ABCC3: variants seen among roughly 807,000 people sequenced by gnomAD.
ABCC3 encodes the protein ATP binding cassette subfamily C member 3.
ABCC3 carries 121 observed loss-of-function variants against 165.3 expected under a neutral mutation model. The observed-to-expected ratio is 0.73, with a 90% CI of 0.63 to 0.85. The LOEUF (loss-of-function observed/expected upper bound fraction) is 0.85, where lower values mean the gene tolerates loss of function less well. Ranked by LOEUF, ABCC3 falls within the 40% of genes least tolerant of loss-of-function variation. ABCC3 has a pLI of 0.00. For missense variants in ABCC3, 1,869 were observed against 1,964.1 expected, an observed-to-expected ratio of 0.95 and a Z score of 0.92; for synonymous variants, 733 against 810.1, an observed-to-expected ratio of 0.90 and a Z score of 1.62.
At position 50,674,013 on chromosome 17, in the gene ABCC3, TC is replaced by T. The variant is rs1967739057; in HGVS notation, c.2599+356del. On this transcript the variant is annotated intron_variant, in intron 19 of 30. Coordinates refer to ENST00000285238, the MANE Select transcript of ABCC3 (RefSeq NM_003786.4). ...CTCTCTCTCTCTCTCTCTCTCTCTC[TC>T]TCTCTCTCTCTCTCTCTCTCTCTTT... 7.4e-5 allele frequency among the ~76,000 whole-genome samples: 2 copies of T among 26,872 alleles called. 1 individual carries two copies. Among genetic ancestry groups the T allele is most frequent in the African/African-American group, 5.5e-4 (2 of 3,632 alleles). The allele number at this position is 26,872 out of a possible 152,430, so 17.6% of individuals were successfully genotyped here.
intron 21 of ABCC3, 25 bp downstream of exon 21, chr17:50,675,800 T>C: frequency 6.3e-7 from 1 of 1,585,054 alleles, no homozygotes; most frequent in African/African-American, 1.3e-5. Flanking sequence ...CAAGAGGGGC[T>C]GGAGGGGATG....
rs550549968 is a variant in ABCC3 at position 50,654,309 on chromosome 17, A to G, written c.46-1523A>G. On this transcript the variant is annotated intron_variant, in intron 1 of 30. Coordinates refer to ENST00000285238, the MANE Select transcript of ABCC3 (RefSeq NM_003786.4). ...AAAAAACATCTAATGCTTTGCAAAG[A>G]ACATAAGAAACAGATTAGTACATTA... 5.3e-5 allele frequency among the ~76,000 whole-genome samples: 8 copies of G among 152,336 alleles called. No homozygotes were observed. In the East Asian group the frequency reaches 1.5e-3, roughly 29 times the overall value.
intron 30 of ABCC3, among the ~76,000 whole-genome samples, chr17:50,688,007 T>C (rs1968055057): frequency 6.6e-6 from 1 of 151,472 alleles, no homozygotes. Flanking sequence ...TAGGCTGGAG[T>C]GCAGTGGCTC....
chr17:50,674,014 CTCTCTCTCTCTCTCTCTCTCTCTTTCTT>C (rs1967739377), intron 19 of ABCC3, among the ~76,000 whole-genome samples: 1 of 11,938 alleles, frequency 8.4e-5, no homozygotes, highest in African/African-American at 4.7e-4. Flanking sequence ...CTCTCTCTCT[CTCTCTCTCTCTCTCTCTCTCTCTTTCTT>C]TCTTTCTTTC....
chr17:50,668,788 C>G, intron 14 of ABCC3, 65 bp from the exon 15 acceptor site: 1 of 1,398,740 alleles, frequency 7.1e-7, no homozygotes, highest in Non-Finnish European at 1.0e-6. Flanking sequence ...TGCCCCCCAG[C>G]CTCCCTGCAG....
At chr17:50,663,377 T>A in intron 8 of ABCC3, 1 of 394,206 alleles carries the variant, frequency 2.5e-6, no homozygotes, top group Non-Finnish European at 4.7e-6. Context: ...ACGTGGCATT[T>A]CTTCCCGCCA....
chr17:50,665,524 G>A (rs1267959138), intron 11 of ABCC3, among the ~76,000 whole-genome samples: 1 of 152,198 alleles, frequency 6.6e-6, no homozygotes, highest in Non-Finnish European at 1.5e-5. Context: ...GTCTAACAAG[G>A]AGTTTTCCCG....
In ABCC3 at chr17:50,658,433, A is replaced by G. The variant is rs767368546; in HGVS notation, c.613-2A>G. 59 of 1,613,904 alleles carry G rather than the reference A, an allele frequency of 3.7e-5. No homozygotes were observed. Among genetic ancestry groups the G allele is most frequent in the East Asian group, 1.8e-4 (8 of 44,880 alleles). The stretch of plus-strand genomic sequence containing the variant: ...CCCCCGTCCTATTCTCTCGCCTTCT[A>G]GAACCCCTACCCTGAGACCAGCGCT... On this transcript the variant is annotated splice_acceptor_variant, in intron 5 of 30. Coordinates refer to ENST00000285238, the MANE Select transcript of ABCC3 (RefSeq NM_003786.4). LOFTEE classifies it high-confidence loss of function.
intron 1 of ABCC3, among the ~76,000 whole-genome samples, chr17:50,648,873 G>C (rs1260154386): frequency 1.3e-5 from 2 of 152,180 alleles, no homozygotes; most frequent in African/African-American, 2.4e-5. Context: ...CCAGCACTTT[G>C]GGAGGCCGAG....
rs1967587839 is a variant in ABCC3 at position 50,669,154 on chromosome 17, T to G, written c.1952T>G (p.Val651Gly). 1 of 1,599,074 alleles carries G rather than the reference T, an allele frequency of 6.3e-7. No homozygotes were observed. The highest frequency in any genetic ancestry group is 8.5e-7 in the Non-Finnish European group (1 of 1,175,376). Residue 651 changes from valine (V) to glycine (G), a missense_variant, in exon 16 of 31, where the codon GTC (valine) becomes GGC (glycine). By Grantham distance (109) the Val-to-Gly change is moderately radical. Transcript: ENST00000285238. ...CTTGCCCCCAGCCTAGACATCCAGG[T>G]CCCGAAAGGGGCACTGGTGGCCGTG... ...PPTLHSLDIQ[V>G]PKGALVAVVG...
At chr17:50,660,437 T>C (rs1053763724) in intron 7 of ABCC3, among the ~76,000 whole-genome samples, 6 of 152,296 alleles carry the variant, frequency 3.9e-5, no homozygotes, top group Admixed American at 2.0e-4. Context: ...TCACCAGCTG[T>C]TGGAGGAGCC....
chr17:50,687,234 C>A, intron 29 of ABCC3: 1 of 404,512 alleles, frequency 2.5e-6, no homozygotes. Flanking sequence ...AGAGAAACAT[C>A]ACGGCACTAG....
chr17:50,677,645 G>A, intron 23 of ABCC3, 99 bp from the exon 24 acceptor site: 3 of 1,228,390 alleles, frequency 2.4e-6, no homozygotes, highest in Admixed American at 1.9e-5. Context: ...AGTGAGGCTG[G>A]CTGGGAGGAC....
rs2054163688 is a variant in ABCC3 at position 50,634,924 on chromosome 17, G to A, written c.-13G>A. On this transcript the variant is annotated 5_prime_UTR_variant, in exon 1 of 31. Coordinates refer to ENST00000285238, the MANE Select transcript of ABCC3 (RefSeq NM_003786.4). Reference sequence around the variant, plus strand: ...GACCGCGCTCGCCTTCCTTGCAGCCGCGCCTCGGCCCCATGGACGCCCTGT... The same window carrying A: ...GACCGCGCTCGCCTTCCTTGCAGCCACGCCTCGGCCCCATGGACGCCCTGT... 1.6e-6 allele frequency: 2 copies of A among 1,254,372 alleles called. No individual in the cohort carries two copies. Among genetic ancestry groups the A allele is most frequent in the East Asian group, 3.2e-5 (1 of 31,704 alleles). The allele number at this position is 1,254,372 out of a possible 1,614,324, so 77.7% of individuals were successfully genotyped here. A position where few individuals can be genotyped will look rare whatever the true frequency, so the allele number is the denominator to read the frequency against.
chr17:50,688,989 G>C (rs1968072366), intron 30 of ABCC3, among the ~76,000 whole-genome samples: 1 of 151,890 alleles, frequency 6.6e-6, no homozygotes, highest in Admixed American at 6.6e-5. Flanking sequence ...GATCATTTGA[G>C]GTCAGAAGTT....
At chr17:50,687,960 CTTT>C (rs779689378) in intron 30 of ABCC3, among the ~76,000 whole-genome samples, 1 of 144,726 alleles carries the variant, frequency 6.9e-6, no homozygotes, top group African/African-American at 2.6e-5. Context: ...TCTTCTTCTT[CTTT>C]TTTTTTTTTG....
rs2054164592 is a variant in ABCC3 at position 50,634,967 on chromosome 17, GGCTCCAA to G, written c.33_39del (p.Lys13GlyfsTer108). 1 of 1,259,734 alleles carries G rather than the reference GGCTCCAA, an allele frequency of 7.9e-7. No homozygotes were observed. Among genetic ancestry groups the G allele is most frequent in the Non-Finnish European group, 1.0e-6 (1 of 1,000,014 alleles). The allele number at this position is 1,259,734 out of a possible 1,614,324, so 78.0% of individuals were successfully genotyped here. A position where few individuals can be genotyped will look rare whatever the true frequency, so the allele number is the denominator to read the frequency against. The stretch of plus-strand genomic sequence containing the variant: ...CGCCCTGTGCGGTTCCGGGGAGCTC[GGCTCCAA>G]GTTCTGGGTAAGGCGCGGGGCTCCG... On this transcript the variant is annotated frameshift_variant, in exon 1 of 31. Transcript: ENST00000285238. LOFTEE classifies it high-confidence loss of function.
chr17:50,659,159 G>A (rs1967322155), intron 6 of ABCC3, 78 bp from the exon 7 acceptor site: 2 of 1,565,616 alleles, frequency 1.3e-6, no homozygotes, highest in African/African-American at 1.4e-5. Flanking sequence ...TGGGGCCCTG[G>A]AGACACTGAC....
chr17:50,675,624 T>G lies in ABCC3; in HGVS notation c.2715-7T>G. ...CCCTCCCTGGGCCTGACCAGCTGCC[T>G]CCACAGACAGCTGAGTGCCCTGTCC... On this transcript the variant is annotated splice_polypyrimidine_tract_variant and splice_region_variant and intron_variant, in intron 20 of 30. Transcript: ENST00000285238. 1 of 1,564,288 alleles carries G rather than the reference T, an allele frequency of 6.4e-7. No individual in the cohort carries two copies. The highest frequency in any genetic ancestry group is 8.7e-7 in the Non-Finnish European group (1 of 1,154,376).
Sources: allele counts gnomAD v4.1 joint callset (sites outside exome capture counted in the v4.1 genomes callset), GRCh38; gene constraint gnomAD v4.1.1; transcripts MANE v1.5; gene names NCBI Gene and HGNC (gene_info 2026-07-23, HGNC 2026-07-21).